Variants in VARS1 observed in about 807,000 individuals in gnomAD.
VARS1 encodes valine--tRNA ligase.
In VARS1, 92 loss-of-function variants were observed where a neutral mutation model predicts 161.0. That is an observed-to-expected ratio of 0.57 (90% CI 0.48 to 0.68). The LOEUF is 0.68. Ranked by LOEUF, VARS1 falls within the 30% of genes least tolerant of loss-of-function variation. The probability of loss-of-function intolerance (pLI) is 0.00; values close to 1 mark genes in which losing one functional copy is unlikely to be tolerated. For missense variants in VARS1, 1,338 were observed against 1,695.9 expected (o/e 0.79, Z 3.71); for synonymous variants, 595 against 682.5 (o/e 0.87, Z 2.00).
chr6:31,780,206 C>G lies in VARS1; in HGVS notation c.2926-53G>C. ...CGGGCCAGGGGAGGGTGCCAGAACC[C>G]CATGGGGGCAGGAGTCATGGGCAAA... On this transcript the variant is annotated intron_variant, in intron 25 of 29. Transcript: ENST00000375663. The surrounding 1 kb of genome is among the most constrained non-coding windows in gnomAD (Gnocchi z 5.1). The G allele has an allele frequency of 6.2e-7, 1 of 1,604,680 alleles. No individual in the cohort carries two copies. Among genetic ancestry groups the G allele is most frequent in the Non-Finnish European group, 8.5e-7 (1 of 1,177,734 alleles).
chr6:31,795,388 G>A lies in VARS1; in HGVS notation c.-33-138C>T. The A allele has an allele frequency of 2.0e-6, 1 of 507,758 alleles. No individual in the cohort carries two copies. The highest frequency in any genetic ancestry group is 3.1e-6 in the Non-Finnish European group (1 of 325,474). 31.5% of individuals were successfully genotyped at this position (507,758 alleles called of 1,614,324 possible). A position where few individuals can be genotyped will look rare whatever the true frequency, so the allele number is the denominator to read the frequency against. Reference sequence around the variant, plus strand: ...GACTGAGGGTCTGACCAGGCAGGCTGTCAGGAGCCGAGGACCTGGCTCTCA... The same window carrying A: ...GACTGAGGGTCTGACCAGGCAGGCTATCAGGAGCCGAGGACCTGGCTCTCA... On this transcript the variant is annotated intron_variant, in intron 1 of 29. Coordinates refer to ENST00000375663, the MANE Select transcript of VARS1 (RefSeq NM_006295.3). The surrounding 1 kb of genome is among the most constrained non-coding windows in gnomAD (Gnocchi z 6.9).
intron 4 of VARS1, 107 bp downstream of exon 4, chr6:31,792,650 G>C (rs913918816): frequency 6.3e-7 from 1 of 1,592,370 alleles, no homozygotes; most frequent in East Asian, 2.2e-5. Flanking sequence ...CTCCTCTCCC[G>C]CAGGACCCTG....
chr6:31,788,272 C>T (rs940612966), intron 8 of VARS1, among the ~76,000 whole-genome samples: 5 of 151,440 alleles, frequency 3.3e-5, no homozygotes, highest in Admixed American at 6.6e-5. Context: ...GAGACCGAAG[C>T]GGGAGGATCA....
chr6:31,793,674 A>T (rs1814052475), intron 2 of VARS1, among the ~76,000 whole-genome samples: 1 of 152,228 alleles, frequency 6.6e-6, no homozygotes. Flanking sequence ...CCAGGGAATG[A>T]GAGGAAAACA....
chr6:31,794,830 C>T lies in VARS1; in HGVS notation c.387+1G>A. On this transcript the variant is annotated splice_donor_variant, in intron 2 of 29. Transcript: ENST00000375663. LOFTEE classifies it high-confidence loss of function. ...CCCCCTCTTCTGTACAACCCCCTCACCTGGGGGTCCTGGGCCGAGCTTCGG... is the reference window on the plus strand; with the variant it reads ...CCCCCTCTTCTGTACAACCCCCTCATCTGGGGGTCCTGGGCCGAGCTTCGG... 4 of 1,591,920 alleles carry T rather than the reference C, an allele frequency of 2.5e-6. No individual in the cohort carries two copies. The highest frequency in any genetic ancestry group is 3.4e-6 in the Non-Finnish European group (4 of 1,165,458).
Position 31,782,217 on chromosome 6 carries a change from G to C in VARS1, c.2151-40C>G. The C allele has an allele frequency of 6.2e-7, 1 of 1,611,878 alleles. No individual in the cohort carries two copies. ...GAGGAGAAATCAGGGAGGGCCTGAT[G>C]GAGCCTGGCCCGAGTGAGCCCTGCT... On this transcript the variant is annotated intron_variant, in intron 17 of 29. Coordinates refer to ENST00000375663, the MANE Select transcript of VARS1 (RefSeq NM_006295.3). This position sits in a 1 kb window ranked among gnomAD's most constrained non-coding sequence, Gnocchi z 8.3.
rs779600047 is a variant in VARS1 at position 31,781,593 on chromosome 6, C to A, written c.2432G>T (p.Ser811Ile). 1.9e-5 allele frequency: 30 copies of A among 1,612,898 alleles called. No homozygotes were observed. Among genetic ancestry groups the A allele is most frequent in the Non-Finnish European group, 2.2e-5 (26 of 1,180,002 alleles). Residue 811 changes from serine to isoleucine, a missense_variant, in exon 21 of 30, where the codon AGT (serine) becomes ATT (isoleucine). Physicochemically the swap from Ser to Ile is moderately radical, Grantham distance 142. Coordinates refer to ENST00000375663, the MANE Select transcript of VARS1 (RefSeq NM_006295.3). This position sits in a 1 kb window ranked among gnomAD's most constrained non-coding sequence, Gnocchi z 6.8. The stretch of plus-strand genomic sequence containing the variant: ...CAGCAGTGTCCCGGGGTAGAACACA[C>A]TCAGGTCTTCTGACTGAGGGCAGAC... The part of the protein sequence containing the change: ...LGWPNQSEDL[S>I]VFYPGTLLET...
intron 8 of VARS1, among the ~76,000 whole-genome samples, chr6:31,788,835 A>T (rs1042663289): frequency 6.6e-6 from 1 of 151,908 alleles, no homozygotes; most frequent in East Asian, 1.9e-4. Context: ...TAATAAAAAT[A>T]AAAAAATAAA....
In VARS1 at chr6:31,781,753, C is replaced by T; in HGVS notation, c.2356G>A (p.Val786Ile). The part of the protein sequence containing the change: ...DKISLQQDED[V>I]LDTWFSSGLF... ...CCAGAGGAGAACCAGGTATCCAATA[C>T]ATCCTCATCTGAGAGAGGCCAAAGG... The change falls in exon 20 of 30, where the codon GTA (valine) becomes ATA (isoleucine). Residue 786 changes from valine to isoleucine, a missense_variant. Around this residue, in one of 3 missense-constraint regions of VARS1, gnomAD observed 902 missense variants for 1,090.3 expected, o/e 0.83. Coordinates refer to ENST00000375663, the MANE Select transcript of VARS1 (RefSeq NM_006295.3). The surrounding 1 kb of genome is among the most constrained non-coding windows in gnomAD (Gnocchi z 6.8). The T allele has an allele frequency of 1.2e-6, 2 of 1,613,064 alleles. No homozygotes were observed. The highest frequency in any genetic ancestry group is 1.7e-6 in the Non-Finnish European group (2 of 1,180,022).
chr6:31,788,762 T>C (rs1364755933), intron 8 of VARS1, among the ~76,000 whole-genome samples: 2 of 150,144 alleles, frequency 1.3e-5, no homozygotes, highest in Non-Finnish European at 3.0e-5. Context: ...TGAGCCAAGA[T>C]TGCGCCACCG....
Position 31,792,436 on chromosome 6 carries a change from G to A in VARS1, c.742C>T (p.Gln248Ter). Residue 248 changes from glutamine (Q) to a stop codon, truncating the protein, a stop_gained, in exon 5 of 30, where the codon CAA becomes TAA. Coordinates refer to ENST00000375663, the MANE Select transcript of VARS1 (RefSeq NM_006295.3). LOFTEE classifies it high-confidence loss of function. ...TGCTGTTGGATCTTCTGCTTCTGTTGGAATTTCTCTAGCTTCTCCCGTTTC... is the reference window on the plus strand; with the variant it reads ...TGCTGTTGGATCTTCTGCTTCTGTTAGAATTTCTCTAGCTTCTCCCGTTTC... ...AKKREKLEKF[Q>*]QKQKIQQQQP... 6.2e-7 allele frequency: 1 copy of A among 1,613,884 alleles called. No homozygotes were observed.
Position 31,795,641 on chromosome 6 carries a change from C to A in VARS1, c.-129G>T, listed in dbSNP as rs967340157. The A allele has an allele frequency of 6.3e-6, 1 of 159,978 alleles. No homozygotes were observed. Among genetic ancestry groups the A allele is most frequent in the Non-Finnish European group, 1.4e-5 (1 of 73,446 alleles). The allele number at this position is 159,978 out of a possible 1,614,324, so 9.9% of individuals were successfully genotyped here. ...GAGCGGCCCGGGCGGAGGAGTCGAGCGGGCAGAGACGGTGGGCGGCTCTCC... is the reference window on the plus strand; with the variant it reads ...GAGCGGCCCGGGCGGAGGAGTCGAGAGGGCAGAGACGGTGGGCGGCTCTCC... On this transcript the variant is annotated 5_prime_UTR_variant, in exon 1 of 30. Coordinates refer to ENST00000375663, the MANE Select transcript of VARS1 (RefSeq NM_006295.3). This position sits in a 1 kb window ranked among gnomAD's most constrained non-coding sequence, Gnocchi z 6.9.
In VARS1 at chr6:31,780,870, C is replaced by T. The variant is rs147810842; in HGVS notation, c.2718G>A (p.Gln906=). 4 of 1,614,118 alleles carry T rather than the reference C, an allele frequency of 2.5e-6. No individual in the cohort carries two copies. The highest frequency in any genetic ancestry group is 1.3e-5 in the African/African-American group (1 of 74,948). The change falls in exon 23 of 30, where the codon CAG becomes CAA. Residue 906 remains glutamine, a splice_region_variant and synonymous_variant. Transcript: ENST00000375663. This position sits in a 1 kb window ranked among gnomAD's most constrained non-coding sequence, Gnocchi z 5.1. ...CTTAGCCCAGCCCAACCCTCCATAC[C>T]TGCCCTTCTTTGGCCTTCTCCACCT... is the stretch of plus-strand genomic sequence containing the variant. The part of the protein sequence containing the change: ...PSEVEKAKEG[Q]KADFPAGIPE...
intron 8 of VARS1, among the ~76,000 whole-genome samples, chr6:31,790,516 C>T (rs1368294903): frequency 2.8e-5 from 4 of 140,546 alleles, no homozygotes; most frequent in South Asian, 2.3e-4. Context: ...GCAAGAGAAT[C>T]GCTTGAACCT....
At chr6:31,789,230 C>A (rs959140157) in intron 8 of VARS1, among the ~76,000 whole-genome samples, 6 of 150,726 alleles carry the variant, frequency 4.0e-5, no homozygotes, top group Admixed American at 6.6e-5. Flanking sequence ...AAATTGATAC[C>A]CAGAACAGGT....
chr6:31,793,132 G>A lies in VARS1; in HGVS notation c.388-12C>T. 1.3e-6 allele frequency: 2 copies of A among 1,579,382 alleles called. No homozygotes were observed. The highest frequency in any genetic ancestry group is 1.7e-6 in the Non-Finnish European group (2 of 1,170,474). ...GCCCCCAGCACAGCCTGGCAGGAAG[G>A]GGAAGAAGTGTGAGACAAGGTTTGG... On this transcript the variant is annotated splice_polypyrimidine_tract_variant and intron_variant, in intron 2 of 29. Coordinates refer to ENST00000375663, the MANE Select transcript of VARS1 (RefSeq NM_006295.3).
chr6:31,786,275 A>C (rs707923), intron 8 of VARS1, among the ~76,000 whole-genome samples: 36,432 of 151,788 alleles, frequency 0.24, 4,923 homozygotes, highest in African/African-American at 0.33. Flanking sequence ...AACAAACAAA[A>C]AAAAAAAGAA....
At position 31,780,630 on chromosome 6, in the gene VARS1, C is replaced by T. The variant is rs534652799; in HGVS notation, c.2798-62G>A. 2.5e-6 allele frequency: 4 copies of T among 1,611,692 alleles called. No homozygotes were observed. Among genetic ancestry groups the T allele is most frequent in the African/African-American group, 1.3e-5 (1 of 74,998 alleles). ...CTTCCCAGCCCATGCCCACCAGAGGCTCAGGGTGGAGAAGAGGGATGGGCC... is the reference window on the plus strand; with the variant it reads ...CTTCCCAGCCCATGCCCACCAGAGGTTCAGGGTGGAGAAGAGGGATGGGCC... On this transcript the variant is annotated intron_variant, in intron 24 of 29. Coordinates refer to ENST00000375663, the MANE Select transcript of VARS1 (RefSeq NM_006295.3). The surrounding 1 kb of genome is among the most constrained non-coding windows in gnomAD (Gnocchi z 5.1).
chr6:31,785,416 C>T lies in VARS1; in HGVS notation c.1266-89G>A. ...ACTGGGCAGTGTGGAGATCACCCATCCCCCTGAAATTTACCTGGGCCCTAG... is the reference window on the plus strand; with the variant it reads ...ACTGGGCAGTGTGGAGATCACCCATTCCCCTGAAATTTACCTGGGCCCTAG... On this transcript the variant is annotated intron_variant, in intron 9 of 29. Coordinates refer to ENST00000375663, the MANE Select transcript of VARS1 (RefSeq NM_006295.3). This position sits in a 1 kb window ranked among gnomAD's most constrained non-coding sequence, Gnocchi z 6.1. 1.3e-6 allele frequency: 2 copies of T among 1,571,798 alleles called. No individual in the cohort carries two copies. Among genetic ancestry groups the T allele is most frequent in the Non-Finnish European group, 1.7e-6 (2 of 1,152,776 alleles).
Sources: allele counts gnomAD v4.1 joint callset (sites outside exome capture counted in the v4.1 genomes callset), GRCh38; gene constraint gnomAD v4.1.1; regional missense constraint gnomAD v4.1.1; non-coding constraint Gnocchi (gnomAD v3.1); transcripts MANE v1.5; gene names NCBI Gene and HGNC (gene_info 2026-07-23, HGNC 2026-07-21).